Variants in FRY observed in about 807,000 individuals in gnomAD.
The protein encoded by FRY is protein furry homolog.
A neutral mutation model predicts 348.4 loss-of-function variants in FRY; 128 were observed. The observed-to-expected ratio is 0.37, with a 90% CI of 0.32 to 0.43. The LOEUF (loss-of-function observed/expected upper bound fraction) is 0.43. FRY is among the 20% of genes least tolerant of loss of function. The pLI, the probability that FRY is intolerant of heterozygous loss-of-function variation, is 1.00. For missense variants in FRY, 2,736 were observed against 3,695.2 expected, an observed-to-expected ratio of 0.74 and a Z score of 6.73; for synonymous variants, 1,370 against 1,374.7, an observed-to-expected ratio of 1.00 and a Z score of 0.08.
chr13:32,218,406 C>A (rs1158342612), intron 35 of FRY, among the ~76,000 whole-genome samples: 1 of 152,166 alleles, frequency 6.6e-6, no homozygotes, highest in Non-Finnish European at 1.5e-5. Flanking sequence ...GTAGGCTGGG[C>A]ACAGTTGCTC....
chr13:32,291,423 GA>G (rs755468186), intron 59 of FRY, among the ~76,000 whole-genome samples: 1 of 123,226 alleles, frequency 8.1e-6, no homozygotes, highest in African/African-American at 3.1e-5. Context: ...TTCTTTTTTC[GA>G]GATAGAACTT....
intron 15 of FRY, 37 bp from the exon 16 acceptor site, chr13:32,157,236 T>C (rs755319983): frequency 6.3e-7 from 1 of 1,582,148 alleles, no homozygotes; most frequent in Non-Finnish European, 8.7e-7. Flanking sequence ...CTTTGATAGA[T>C]TCAGTTGAAG....
intron 2 of FRY, among the ~76,000 whole-genome samples, chr13:32,092,775 A>C (rs565670772): frequency 3.9e-5 from 6 of 152,190 alleles, no homozygotes; most frequent in Non-Finnish European, 8.8e-5. Context: ...GGTATCTCTG[A>C]GATTTGGCCA....
chr13:32,045,992 C>A (rs896680053), intron 1 of FRY, among the ~76,000 whole-genome samples: 1 of 152,142 alleles, frequency 6.6e-6, no homozygotes, highest in Non-Finnish European at 1.5e-5. Context: ...TGTACACACT[C>A]CAGTGATGGA....
intron 1 of FRY, among the ~76,000 whole-genome samples, chr13:32,055,128 C>G (rs1486061648): frequency 6.6e-6 from 1 of 152,088 alleles, no homozygotes; most frequent in Non-Finnish European, 1.5e-5. Context: ...ATCACTGAAG[C>G]CTCCTTCCTG....
chr13:32,278,613 C>A, intron 58 of FRY, 65 bp downstream of exon 58: 1 of 890,318 alleles, frequency 1.1e-6, no homozygotes, highest in Non-Finnish European at 1.9e-6. Context: ...TTTTGGTCTA[C>A]CCAAGAAGCC....
chr13:32,078,308 G>A (rs1381699512), intron 1 of FRY, among the ~76,000 whole-genome samples: 3 of 152,140 alleles, frequency 2.0e-5, no homozygotes, highest in African/African-American at 4.8e-5. Flanking sequence ...TCTTTCAAGA[G>A]GTGTGTCCCT....
chr13:32,238,600 C>A (rs193180400), intron 44 of FRY, among the ~76,000 whole-genome samples: 169 of 152,090 alleles, frequency 1.1e-3, no homozygotes, highest in Non-Finnish European at 3.2e-4. Flanking sequence ...TACAGGTGTA[C>A]GCCACCACGC....
chr13:32,147,438 G>C, intron 12 of FRY, 53 bp downstream of exon 12: 1 of 996,646 alleles, frequency 1.0e-6, no homozygotes, highest in Non-Finnish European at 1.6e-6. Context: ...ACTGCAGAGG[G>C]TGTTTCTTTT....
At chr13:32,098,379 G>A (rs1453303443) in intron 2 of FRY, among the ~76,000 whole-genome samples, 1 of 152,028 alleles carries the variant, frequency 6.6e-6, no homozygotes, top group Non-Finnish European at 1.5e-5. Context: ...GTGACTTTAA[G>A]TGTTGAAAGA....
chr13:32,132,553 A>G (rs1054917447), intron 8 of FRY, among the ~76,000 whole-genome samples: 2 of 152,150 alleles, frequency 1.3e-5, no homozygotes, highest in African/African-American at 4.8e-5. Context: ...AACCTTACAC[A>G]CTGCTGGTAT....
intron 55 of FRY, among the ~76,000 whole-genome samples, chr13:32,270,541 T>C (rs953942752): frequency 1.3e-5 from 2 of 152,230 alleles, no homozygotes; most frequent in African/African-American, 2.4e-5. Flanking sequence ...ATTAATAATA[T>C]ATATTTAAGT....
At position 32,247,441 on chromosome 13, in the gene FRY, G is replaced by C. The variant is rs775267506; in HGVS notation, c.6947G>C (p.Trp2316Ser). Reference protein sequence around the residue: ...DLSKIEIHRVWTSASKELPGK... With the variant: ...DLSKIEIHRVSTSASKELPGK... ...TCAAAAATAGAAATACATCGAGTGTGGACTAGTGCTTCCAAGGAATTACCT... is the reference window on the plus strand; with the variant it reads ...TCAAAAATAGAAATACATCGAGTGTCGACTAGTGCTTCCAAGGAATTACCT... Residue 2316 changes from tryptophan to serine, a missense_variant, in exon 48 of 61, where the codon TGG (tryptophan) becomes TCG (serine). Trp to Ser is a radical substitution (Grantham distance 177). Transcript: ENST00000542859. The C allele has an allele frequency of 6.2e-7, 1 of 1,613,354 alleles. No homozygotes were observed. The highest frequency in any genetic ancestry group is 8.5e-7 in the Non-Finnish European group (1 of 1,179,362).
intron 1 of FRY, 40 bp downstream of exon 1, chr13:32,031,905 T>C (rs761155179): frequency 7.1e-6 from 8 of 1,125,730 alleles, no homozygotes; most frequent in Non-Finnish European, 1.1e-5. Context: ...GTTTGTTTGC[T>C]GGATGTTGCA....
chr13:32,053,628 C>T (rs1403207853), intron 1 of FRY, among the ~76,000 whole-genome samples: 2 of 152,212 alleles, frequency 1.3e-5, no homozygotes, highest in African/African-American at 4.8e-5. Flanking sequence ...CATACTTGGC[C>T]TCATTTAAGT....
chr13:32,148,458 T>A (rs559350761), intron 13 of FRY, among the ~76,000 whole-genome samples: 2 of 152,356 alleles, frequency 1.3e-5, no homozygotes, highest in African/African-American at 4.8e-5. Flanking sequence ...TGTATATTAA[T>A]GACTTAAAAA....
intron 2 of FRY, among the ~76,000 whole-genome samples, chr13:32,084,949 G>A (rs931546879): frequency 7.9e-5 from 12 of 152,140 alleles, no homozygotes; most frequent in African/African-American, 1.4e-4. Flanking sequence ...CAGTGTTTGC[G>A]TATCATGGAC....
At chr13:32,058,961 T>A (rs1873784443) in intron 1 of FRY, among the ~76,000 whole-genome samples, 1 of 152,200 alleles carries the variant, frequency 6.6e-6, no homozygotes, top group African/African-American at 2.4e-5. Flanking sequence ...AGCAACCTTA[T>A]TTTTGTTCTT....
intron 16 of FRY, 150 bp from the exon 17 acceptor site, chr13:32,160,994 A>G (rs1443897822): frequency 3.1e-6 from 2 of 648,718 alleles, no homozygotes; most frequent in East Asian, 5.5e-5. Context: ...CAAGCTACAA[A>G]GGGCATAAAC....
Sources: allele counts gnomAD v4.1 joint callset (sites outside exome capture counted in the v4.1 genomes callset), GRCh38; gene constraint gnomAD v4.1.1; transcripts MANE v1.5; gene names NCBI Gene and HGNC (gene_info 2026-07-23, HGNC 2026-07-21).